Variants in EPB41L2 observed in about 807,000 individuals in gnomAD.
EPB41L2 encodes band 4.1-like protein 2.
In EPB41L2, 43 loss-of-function variants were observed where a neutral mutation model predicts 113.0. The ratio of observed to expected loss-of-function variants is 0.38; its 90% CI spans 0.30 to 0.49. The LOEUF (loss-of-function observed/expected upper bound fraction) is 0.49. Among genes scored for constraint, EPB41L2 ranks in the 20% least tolerant of loss-of-function variants. EPB41L2 has a pLI of 0.95. For synonymous variants in EPB41L2, 442 were observed against 436.7 expected, an observed-to-expected ratio of 1.01 and a Z score of -0.15; for missense variants, 1,147 against 1,223.4, an observed-to-expected ratio of 0.94 and a Z score of 0.93.
chr6:130,950,865 G>C (rs73619002), intron 3 of EPB41L2, among the ~76,000 whole-genome samples: 1,584 of 152,212 alleles, frequency 0.01, 38 homozygotes, highest in African/African-American at 0.037. Flanking sequence ...TACAACATTA[G>C]CGGGTTAGAA....
chr6:130,908,357 A>G (rs1401070381), intron 5 of EPB41L2, among the ~76,000 whole-genome samples: 1 of 152,134 alleles, frequency 6.6e-6, no homozygotes, highest in Non-Finnish European at 1.5e-5. Flanking sequence ...AACTGAAAAG[A>G]TTGTTCCCCT....
At chr6:130,875,963 C>T (rs535860334) in intron 14 of EPB41L2, among the ~76,000 whole-genome samples, 3 of 142,460 alleles carry the variant, frequency 2.1e-5, no homozygotes, top group South Asian at 2.2e-4. Flanking sequence ...CCAGCCCGGG[C>T]GAATGTGCAA....
chr6:130,940,000 A>G (rs1810271938), intron 3 of EPB41L2, among the ~76,000 whole-genome samples: 1 of 152,218 alleles, frequency 6.6e-6, no homozygotes, highest in Admixed American at 6.5e-5. Context: ...ACATATGCAC[A>G]CGTGATTCTT....
At chr6:130,853,200 C>T (rs536210443) in intron 19 of EPB41L2, among the ~76,000 whole-genome samples, 4 of 152,286 alleles carry the variant, frequency 2.6e-5, no homozygotes, top group South Asian at 2.1e-4. Context: ...ACTCCTCTGT[C>T]GTTTCATCCT....
At chr6:130,981,185 T>C (rs1300051102) in intron 1 of EPB41L2, among the ~76,000 whole-genome samples, 1 of 152,218 alleles carries the variant, frequency 6.6e-6, no homozygotes, top group Non-Finnish European at 1.5e-5. Flanking sequence ...TCTTCTTACA[T>C]AGTAACTTGA....
At chr6:131,019,544 G>T (rs1228558976) in intron 1 of EPB41L2, among the ~76,000 whole-genome samples, 1 of 152,098 alleles carries the variant, frequency 6.6e-6, no homozygotes, top group African/African-American at 2.4e-5. Context: ...TATTTTCAAA[G>T]ACATTATTTA....
At chr6:130,976,462 A>G (rs1778231097) in intron 1 of EPB41L2, among the ~76,000 whole-genome samples, 1 of 152,178 alleles carries the variant, frequency 6.6e-6, no homozygotes. Context: ...AAACAATTAC[A>G]TTTTTAAGAT....
intron 11 of EPB41L2, among the ~76,000 whole-genome samples, chr6:130,889,909 C>T (rs963519373): frequency 6.6e-6 from 1 of 151,950 alleles, no homozygotes; most frequent in African/African-American, 2.4e-5. Context: ...CTGAAATATG[C>T]AATATATATA....
chr6:130,975,540 A>G (rs1166832866), intron 1 of EPB41L2, among the ~76,000 whole-genome samples: 1 of 152,240 alleles, frequency 6.6e-6, no homozygotes. Flanking sequence ...AACTCTAGGC[A>G]GAAAGTACAG....
chr6:130,944,941 C>CT (rs1022581217), intron 3 of EPB41L2, among the ~76,000 whole-genome samples: 46 of 152,200 alleles, frequency 3.0e-4, no homozygotes, highest in African/African-American at 1.0e-3. Flanking sequence ...GCACGGCAGT[C>CT]TTTTCCCATT....
chr6:131,047,667 G>C (rs953789966), intron 1 of EPB41L2, among the ~76,000 whole-genome samples: 2 of 152,128 alleles, frequency 1.3e-5, no homozygotes, highest in Non-Finnish European at 2.9e-5. Flanking sequence ...CCTTCCCCTC[G>C]ATACTGCCAG....
chr6:130,918,354 C>T (rs78880600), intron 4 of EPB41L2, among the ~76,000 whole-genome samples: 3,624 of 152,124 alleles, frequency 0.024, 135 homozygotes, highest in African/African-American at 0.083. Flanking sequence ...GTTATAATGT[C>T]ATTTTGGGCC....
At chr6:130,874,060 GTACCT>G (rs1461478935) in intron 14 of EPB41L2, among the ~76,000 whole-genome samples, 1 of 152,070 alleles carries the variant, frequency 6.6e-6, no homozygotes, top group African/African-American at 2.4e-5. Context: ...ACCTTCAAAA[GTACCT>G]TACAACTCAA....
intron 1 of EPB41L2, among the ~76,000 whole-genome samples, chr6:131,000,003 A>T (rs962858812): frequency 1.3e-5 from 2 of 152,188 alleles, no homozygotes; most frequent in African/African-American, 4.8e-5. Context: ...TTTCTGAATG[A>T]ATTTACCCCT....
At chr6:130,884,720 A>T (rs1790380273) in intron 12 of EPB41L2, among the ~76,000 whole-genome samples, 1 of 152,216 alleles carries the variant, frequency 6.6e-6, no homozygotes, top group Non-Finnish European at 1.5e-5. Context: ...ATCTTTGGTG[A>T]TGTAAAAAAA....
intron 1 of EPB41L2, among the ~76,000 whole-genome samples, chr6:130,963,809 T>C (rs1320315796): frequency 6.6e-6 from 1 of 152,184 alleles, no homozygotes; most frequent in Non-Finnish European, 1.5e-5. Context: ...CCATAATGCA[T>C]ATAAACCTTG....
intron 1 of EPB41L2, among the ~76,000 whole-genome samples, chr6:130,998,572 T>C (rs527868715): frequency 7.3e-4 from 111 of 152,296 alleles, no homozygotes; most frequent in African/African-American, 2.6e-3. Context: ...CTAAACTGAT[T>C]ATTCCTCACT....
At chr6:131,053,281 A>G (rs559649309) in intron 1 of EPB41L2, among the ~76,000 whole-genome samples, 3 of 152,164 alleles carry the variant, frequency 2.0e-5, no homozygotes, top group Admixed American at 6.5e-5. Flanking sequence ...TGTTATTTAG[A>G]GACAAAACAC....
chr6:131,036,433 G>C (rs1793327490), intron 1 of EPB41L2, among the ~76,000 whole-genome samples: 1 of 152,104 alleles, frequency 6.6e-6, no homozygotes, highest in African/African-American at 2.4e-5. Context: ...AAGAGCAGAA[G>C]ACGGATGTAA....
Sources: gnomAD v4.1 joint callset for allele counts (sites outside exome capture counted in the v4.1 genomes callset) on GRCh38, gnomAD v4.1.1 for gene constraint, MANE v1.5 for transcripts, NCBI Gene and HGNC (gene_info 2026-07-23, HGNC 2026-07-21) for gene names.